Variants in DACH2 observed in about 807,000 individuals in gnomAD.
The protein encoded by DACH2 is dachshund homolog 2.
DACH2 carries 17 observed loss-of-function variants against 35.8 expected under a neutral mutation model. The observed-to-expected ratio is 0.48, with a 90% confidence interval of 0.33 to 0.71. The LOEUF (loss-of-function observed/expected upper bound fraction) is 0.71, where lower values mean the gene tolerates loss of function less well. DACH2 is among the 30% of genes least tolerant of loss of function. The pLI, the probability that DACH2 is intolerant of heterozygous loss-of-function variation, is 0.02. For synonymous variants in DACH2, 195 were observed against 177.3 expected, an observed-to-expected ratio of 1.10 and a Z score of -0.79; for missense variants, 469 against 472.7, an observed-to-expected ratio of 0.99 and a Z score of 0.07.
At chrX:86,706,766 C>T (rs776495423) in intron 5 of DACH2, among the ~76,000 whole-genome samples, 6 of 109,003 alleles carry the variant, frequency 5.5e-5, no homozygotes, top group Admixed American at 9.9e-5. Flanking sequence ...AAAGAACCCC[C>T]AAGAAAAATT....
chrX:86,551,764 C>T (rs5967741), intron 3 of DACH2, among the ~76,000 whole-genome samples: 21,098 of 110,885 alleles, frequency 0.19, 1,555 homozygotes, highest in East Asian at 0.27. Flanking sequence ...ATCCAATCTG[C>T]TTATCATTTC....
intron 2 of DACH2, among the ~76,000 whole-genome samples, chrX:86,474,819 C>T (rs72633153): frequency 0.038 from 4,223 of 111,592 alleles, 79 homozygotes; most frequent in East Asian, 0.22. Context: ...CTGCAACCTC[C>T]GCTTCCTGGG....
intron 7 of DACH2, among the ~76,000 whole-genome samples, chrX:86,773,752 G>T (rs1457262360): frequency 9.0e-6 from 1 of 111,212 alleles, no homozygotes; most frequent in Non-Finnish European, 1.9e-5. Flanking sequence ...CTTCAAATTC[G>T]CAATCCATCT....
At chrX:86,201,202 C>T (rs1292658596) in intron 1 of DACH2, among the ~76,000 whole-genome samples, 8 of 106,923 alleles carry the variant, frequency 7.5e-5, no homozygotes, top group African/African-American at 1.7e-4. Context: ...AACTAAATAC[C>T]GCATGTTCTC....
intron 2 of DACH2, among the ~76,000 whole-genome samples, chrX:86,428,591 A>G (rs187901680): frequency 9.1e-4 from 102 of 112,043 alleles, no homozygotes; most frequent in African/African-American, 3.2e-3. Context: ...GAACTGAAAA[A>G]CATTCAAATG....
chrX:86,608,160 GAAAA>G (rs996112146), intron 3 of DACH2, among the ~76,000 whole-genome samples: 5 of 111,126 alleles, frequency 4.5e-5, no homozygotes, highest in Non-Finnish European at 7.5e-5. Flanking sequence ...AAAAGCACAT[GAAAA>G]AATGCTCACC....
At chrX:86,422,012 A>C (rs185274980) in intron 2 of DACH2, among the ~76,000 whole-genome samples, 103 of 111,486 alleles carry the variant, frequency 9.2e-4, no homozygotes, top group African/African-American at 3.0e-3. Flanking sequence ...ATACAGCTGA[A>C]AAATTTAAAC....
intron 3 of DACH2, among the ~76,000 whole-genome samples, chrX:86,552,679 CT>C (rs1421764953): frequency 1.8e-5 from 2 of 111,481 alleles, no homozygotes; most frequent in Non-Finnish European, 3.8e-5. Flanking sequence ...TGAGAAATGC[CT>C]TCATTAATTG....
At chrX:86,608,568 C>T (rs2039890589) in intron 3 of DACH2, among the ~76,000 whole-genome samples, 1 of 111,776 alleles carries the variant, frequency 8.9e-6, no homozygotes, top group South Asian at 3.8e-4. Context: ...ACTTATTGCT[C>T]CTTAATATCT....
intron 1 of DACH2, among the ~76,000 whole-genome samples, chrX:86,193,828 G>A (rs180690473): frequency 9.1e-6 from 1 of 109,630 alleles, no homozygotes; most frequent in African/African-American, 3.3e-5. Context: ...GGTTTAATCT[G>A]CTATTTGTGA....
chrX:86,162,801 G>A (rs2030808966), intron 1 of DACH2, among the ~76,000 whole-genome samples: 1 of 111,053 alleles, frequency 9.0e-6, no homozygotes, highest in South Asian at 3.8e-4. Flanking sequence ...CTGTTTGATT[G>A]ATTCTAGCTT....
intron 1 of DACH2, among the ~76,000 whole-genome samples, chrX:86,254,799 T>TAGAGAGAG (rs1369638285): frequency 1.5e-5 from 1 of 68,216 alleles, no homozygotes; most frequent in African/African-American, 7.5e-5. Context: ...TATATATATA[T>TAGAGAGAG]ATATATATAG....
intron 2 of DACH2, among the ~76,000 whole-genome samples, chrX:86,446,237 C>T (rs775530122): frequency 9.3e-6 from 1 of 107,807 alleles, no homozygotes; most frequent in South Asian, 4.0e-4. Context: ...TATGTTTGTC[C>T]TTACCTATTA....
intron 7 of DACH2, among the ~76,000 whole-genome samples, chrX:86,760,642 C>T (rs2041871311): frequency 1.8e-5 from 2 of 111,291 alleles, no homozygotes; most frequent in Admixed American, 9.5e-5. Flanking sequence ...TCCAGTATTC[C>T]CTTGTATCTC....
intron 3 of DACH2, among the ~76,000 whole-genome samples, chrX:86,547,156 C>T (rs2038987050): frequency 9.0e-6 from 1 of 111,184 alleles, no homozygotes; most frequent in African/African-American, 3.3e-5. Context: ...TTGTCCGAAG[C>T]CCCTTTGACA....
At chrX:86,236,817 T>C in intron 1 of DACH2, among the ~76,000 whole-genome samples, 1 of 112,339 alleles carries the variant, frequency 8.9e-6, no homozygotes, top group Non-Finnish European at 1.9e-5. Flanking sequence ...GACATTACTG[T>C]AGACTTTACA....
chrX:86,293,071 G>A (rs1043109197), intron 1 of DACH2, among the ~76,000 whole-genome samples: 1 of 94,193 alleles, frequency 1.1e-5, no homozygotes, highest in East Asian at 3.4e-4. Context: ...AAGTCTCTTT[G>A]TAGGTCACTC....
At chrX:86,288,156 T>C (rs1198790587) in intron 1 of DACH2, among the ~76,000 whole-genome samples, 2 of 112,608 alleles carry the variant, frequency 1.8e-5, no homozygotes. Context: ...ATTACCTTGA[T>C]GGTCTTGGAC....
At position 86,518,943 on chromosome X, in the gene DACH2, A is replaced by G. The variant is rs140087468; in HGVS notation, c.640+4552A>G. Among the ~76,000 whole-genome samples the G allele has an allele frequency of 3.2e-3, 355 of 111,968 alleles. 2 individuals carry two copies. Among genetic ancestry groups the G allele is most frequent in the Non-Finnish European group, 4.9e-3 (258 of 53,134 alleles). On this transcript the variant is annotated intron_variant, in intron 3 of 11. Transcript: ENST00000373125. ...AGCTCCAATAATATGTTGAATAGAA[A>G]AGTTCAGAAAGGGCATCCTTATCTT... is the stretch of plus-strand genomic sequence containing the variant.
Sources: allele counts gnomAD v4.1 joint callset (sites outside exome capture counted in the v4.1 genomes callset), GRCh38; gene constraint gnomAD v4.1.1; transcripts MANE v1.5; gene names NCBI Gene and HGNC (gene_info 2026-07-23, HGNC 2026-07-21).